The following GPHN variants were observed in gnomAD, a reference collection of about 807,000 sequenced individuals.
The protein encoded by GPHN is gephyrin.
GPHN carries 17 observed loss-of-function variants against 95.5 expected under a neutral mutation model. That is an observed-to-expected ratio of 0.18 (90% CI 0.12 to 0.27). The LOEUF (loss-of-function observed/expected upper bound fraction) is 0.27. Ranked by LOEUF, GPHN falls within the 10% of genes least tolerant of loss-of-function variation. The probability of loss-of-function intolerance (pLI) is 1.00; values close to 1 mark genes in which losing one functional copy is unlikely to be tolerated. For missense variants in GPHN, 660 were observed against 978.1 expected (o/e 0.67, Z 4.34); for synonymous variants, 320 against 322.5 (o/e 0.99, Z 0.08).
At chr14:66,576,260 T>C (rs1202385551) in intron 1 of GPHN, among the ~76,000 whole-genome samples, 2 of 152,198 alleles carry the variant, frequency 1.3e-5, no homozygotes, top group Non-Finnish European at 2.9e-5. Context: ...GGAGCTGGCC[T>C]GGTACTGGTC....
the GPHN span, among the ~76,000 whole-genome samples, chr14:67,665,421 G>T: frequency 1.8e-4 from 27 of 151,866 alleles, 1 homozygote; most frequent in East Asian, 5.2e-3. Context: ...ACAGGTGCAG[G>T]TTACCACACA....
At chr14:66,616,425 T>TTTGTTGTTG (rs112215078) in intron 1 of GPHN, among the ~76,000 whole-genome samples, 2 of 150,140 alleles carry the variant, frequency 1.3e-5, no homozygotes, top group East Asian at 2.0e-4. Flanking sequence ...TTCTTTGTGT[T>TTTGTTGTTG]TTGTTGTTGT....
chr14:66,608,934 C>G (rs1197814268), intron 1 of GPHN, among the ~76,000 whole-genome samples: 1 of 152,000 alleles, frequency 6.6e-6, no homozygotes, highest in Non-Finnish European at 1.5e-5. Context: ...GTCTTTTTGT[C>G]CAGCTTGCCA....
At chr14:67,726,207 T>C in the GPHN span, 8 of 1,054,402 alleles carry the variant, frequency 7.6e-6, no homozygotes, top group African/African-American at 9.4e-5. Flanking sequence ...ATCTTTTCTT[T>C]AGGAAGATGA....
chr14:67,405,608 T>C, the GPHN span, among the ~76,000 whole-genome samples: 2 of 152,192 alleles, frequency 1.3e-5, no homozygotes, highest in Admixed American at 6.5e-5. Context: ...TGTATGGCAA[T>C]ATGGCAGAGT....
chr14:67,578,577 A>G, the GPHN span: 1 of 1,612,418 alleles, frequency 6.2e-7, no homozygotes, highest in Non-Finnish European at 8.5e-7. This position sits in a 1 kb window ranked among gnomAD's most constrained non-coding sequence, Gnocchi z 5.0. Context: ...TTCCTGCCTC[A>G]GCATCACTTC....
chr14:66,847,140 C>T (rs2062373684), intron 4 of GPHN, among the ~76,000 whole-genome samples: 1 of 152,104 alleles, frequency 6.6e-6, no homozygotes, highest in Admixed American at 6.6e-5. Context: ...ATTTTTCCTT[C>T]TTCCTTCCAA....
chr14:67,066,838 T>C (rs927691229), intron 11 of GPHN, among the ~76,000 whole-genome samples: 1 of 152,226 alleles, frequency 6.6e-6, no homozygotes, highest in Non-Finnish European at 1.5e-5. Context: ...TCTAACCTTT[T>C]TTCAAGGTTT....
chr14:66,733,594 A>T (rs1208153874), intron 2 of GPHN, among the ~76,000 whole-genome samples: 5 of 152,132 alleles, frequency 3.3e-5, no homozygotes, highest in African/African-American at 4.8e-5. Flanking sequence ...TATCCACTTT[A>T]TGTCTTTCTA....
At chr14:67,376,917 C>T in the GPHN span, among the ~76,000 whole-genome samples, 1 of 152,212 alleles carries the variant, frequency 6.6e-6, no homozygotes, top group African/African-American at 2.4e-5. Flanking sequence ...TGACTTTCAG[C>T]CCACACCACT....
intron 2 of GPHN, among the ~76,000 whole-genome samples, chr14:66,685,547 T>G (rs2067292896): frequency 6.6e-6 from 1 of 152,264 alleles, no homozygotes; most frequent in Non-Finnish European, 1.5e-5. Flanking sequence ...CATAAATGTC[T>G]TCTTCTGAGA....
chr14:66,589,923 A>G (rs1754385327), intron 1 of GPHN, among the ~76,000 whole-genome samples: 1 of 152,194 alleles, frequency 6.6e-6, no homozygotes, highest in Admixed American at 6.5e-5. Flanking sequence ...TTGACCACAT[A>G]GTGGAAGTAA....
chr14:67,593,793 T>C, the GPHN span: 2 of 1,613,712 alleles, frequency 1.2e-6, no homozygotes, highest in Non-Finnish European at 1.7e-6. Context: ...CCCATTTCTA[T>C]GAAGGTAGTG....
chr14:67,112,002 C>T, intron 15 of GPHN, 83 bp downstream of exon 15: 1 of 1,036,102 alleles, frequency 9.7e-7, no homozygotes, highest in South Asian at 1.3e-5. Flanking sequence ...TACTATAAAT[C>T]TGCAGCCATG....
At chr14:66,546,786 GGGGAGA>G (rs1350956318) in intron 1 of GPHN, among the ~76,000 whole-genome samples, 2 of 150,226 alleles carry the variant, frequency 1.3e-5, no homozygotes, top group Admixed American at 6.6e-5. Context: ...GGGAGACCGT[GGGGAGA>G]GGGAGAGGGG....
At chr14:67,559,703 A>G in the GPHN span, 10 of 1,581,926 alleles carry the variant, frequency 6.3e-6, no homozygotes, top group South Asian at 5.7e-5. Context: ...TGGGTTGGAA[A>G]CTCATCTTGG....
the GPHN span, among the ~76,000 whole-genome samples, chr14:67,431,383 C>A: frequency 5.1e-4 from 55 of 108,372 alleles, no homozygotes; most frequent in Admixed American, 7.1e-3. Context: ...CAGAGTGAGA[C>A]TCTGTCTCAA....
chr14:66,727,286 T>A (rs936755363), intron 2 of GPHN, among the ~76,000 whole-genome samples: 1 of 152,202 alleles, frequency 6.6e-6, no homozygotes, highest in African/African-American at 2.4e-5. Flanking sequence ...TTGCCCAGTC[T>A]CAGGTATGTC....
intron 2 of GPHN, among the ~76,000 whole-genome samples, chr14:66,736,001 A>G (rs1308812814): frequency 3.9e-5 from 6 of 152,238 alleles, no homozygotes; most frequent in Non-Finnish European, 8.8e-5. Context: ...TTACACAGCT[A>G]ACTGGATGGT....
Sources: allele counts gnomAD v4.1 joint callset (sites outside exome capture counted in the v4.1 genomes callset), GRCh38; gene constraint gnomAD v4.1.1; non-coding constraint Gnocchi (gnomAD v3.1); transcripts MANE v1.5; gene names NCBI Gene and HGNC (gene_info 2026-07-23, HGNC 2026-07-21).